The following OR4F15 variants were observed in gnomAD, a reference collection of about 807,000 sequenced individuals.
OR4F15 encodes the protein olfactory receptor 4F15.
OR4F15 carries 7 observed loss-of-function variants against 11.9 expected under a neutral mutation model. The observed-to-expected ratio is 0.59, with a 90% CI of 0.33 to 1.10. The LOEUF (loss-of-function observed/expected upper bound fraction) is 1.10. Ranked by LOEUF, OR4F15 falls within the 50% of genes least tolerant of loss-of-function variation. The probability of loss-of-function intolerance (pLI) is 0.03; values close to 1 mark genes in which losing one functional copy is unlikely to be tolerated. For synonymous variants in OR4F15, 151 were observed against 134.6 expected, an observed-to-expected ratio of 1.12 and a Z score of -0.84; for missense variants, 445 against 377.5, an observed-to-expected ratio of 1.18 and a Z score of -1.48.
chr15:101,816,333 G>T (rs763924426), intron 1 of OR4F15, among the ~76,000 whole-genome samples: 4 of 152,146 alleles, frequency 2.6e-5, no homozygotes, highest in Admixed American at 2.6e-4. Flanking sequence ...TCCTCTAGAA[G>T]CTGGAAAAGG....
At chr15:101,812,587 G>T (rs1011953599) in intron 1 of OR4F15, among the ~76,000 whole-genome samples, 1 of 152,098 alleles carries the variant, frequency 6.6e-6, no homozygotes, top group African/African-American at 2.4e-5. Context: ...TTCCTAACAA[G>T]CTTGTTGTTT....
intron 1 of OR4F15, among the ~76,000 whole-genome samples, chr15:101,812,769 A>G (rs183665181): frequency 6.6e-6 from 1 of 152,298 alleles, no homozygotes; most frequent in East Asian, 1.9e-4. Context: ...ACCCTGAACT[A>G]AAAAAATGTA....
Position 101,819,236 on chromosome 15 carries a change from A to G in OR4F15, c.*111A>G. The G allele has an allele frequency of 4.5e-6, 3 of 665,698 alleles. No individual in the cohort carries two copies. Among genetic ancestry groups the G allele is most frequent in the Non-Finnish European group, 7.6e-6 (3 of 396,804 alleles). The allele number at this position is 665,698 out of a possible 1,614,324, so 41.2% of individuals were successfully genotyped here. A position where few individuals can be genotyped will look rare whatever the true frequency, so the allele number is the denominator to read the frequency against. ...AGACTCAGGCCATACTATATGCCTG[A>G]AAATTTATGAAATCATGGTAACAAT... On this transcript the variant is annotated 3_prime_UTR_variant, in exon 2 of 2. Coordinates refer to ENST00000332238, the MANE Select transcript of OR4F15 (RefSeq NM_001001674.2).
Position 101,818,881 on chromosome 15 carries a change from G to T in OR4F15, c.695G>T (p.Gly232Val), listed in dbSNP as rs1344945370. 1 of 1,613,756 alleles carries T rather than the reference G, an allele frequency of 6.2e-7. No homozygotes were observed. The change falls in exon 2 of 2, where the codon GGT becomes GTT. Residue 232 changes from glycine (G) to valine (V), a missense_variant. Coordinates refer to ENST00000332238, the MANE Select transcript of OR4F15 (RefSeq NM_001001674.2). ...ACTGTTTGGAAACATTCTTCTGGTG[G>T]TCTAGCCAAGGCCCTCTCTACCCTG... ...LFTVWKHSSG[G>V]LAKALSTLSA...
chr15:101,812,868 C>T (rs1359985866), intron 1 of OR4F15, among the ~76,000 whole-genome samples: 1 of 152,156 alleles, frequency 6.6e-6, no homozygotes, highest in East Asian at 1.9e-4. Flanking sequence ...AATAAATCCT[C>T]CTATACTTGT....
At chr15:101,815,770 A>G (rs1390128417) in intron 1 of OR4F15, among the ~76,000 whole-genome samples, 2 of 152,166 alleles carry the variant, frequency 1.3e-5, no homozygotes, top group Non-Finnish European at 2.9e-5. Flanking sequence ...TTAATGAACA[A>G]AAATCATTCG....
In OR4F15 at chr15:101,816,487, C is replaced by CGTGT. The variant is rs35269954; in HGVS notation, c.-37-1643_-37-1640dup. Among the ~76,000 whole-genome samples the CGTGT allele has an allele frequency of 7.3e-3, 1,088 of 148,926 alleles. 8 individuals are homozygous for CGTGT. The highest frequency in any genetic ancestry group is 0.023 in the African/African-American group (949 of 40,652). Reference sequence around the variant, plus strand: ...TTACTTTAGAACAGTAAGAATATAACGTGTGTGTGTGTGTGTGTGTGTGGT... The same window carrying CGTGT: ...TTACTTTAGAACAGTAAGAATATAACGTGTGTGTGTGTGTGTGTGTGTGTGTGGT... On this transcript the variant is annotated intron_variant, in intron 1 of 1. Transcript: ENST00000332238.
intron 1 of OR4F15, among the ~76,000 whole-genome samples, chr15:101,816,544 C>T (rs529269039): frequency 5.3e-5 from 8 of 151,964 alleles, no homozygotes; most frequent in African/African-American, 1.9e-4. Flanking sequence ...CTTGTTACAA[C>T]AGCAATAGTA....
chr15:101,817,141 T>G (rs1903002287), intron 1 of OR4F15, among the ~76,000 whole-genome samples: 6 of 152,222 alleles, frequency 3.9e-5, no homozygotes, highest in Admixed American at 3.9e-4. Flanking sequence ...TTTTGAACCA[T>G]ATTAGAAGCC....
At chr15:101,816,083 G>C (rs530462975) in intron 1 of OR4F15, among the ~76,000 whole-genome samples, 6 of 152,080 alleles carry the variant, frequency 3.9e-5, no homozygotes, top group African/African-American at 7.2e-5. Flanking sequence ...TAAGAAAGCT[G>C]TGCTGTATAG....
At chr15:101,817,787 T>A (rs1903016033) in intron 1 of OR4F15, among the ~76,000 whole-genome samples, 1 of 152,196 alleles carries the variant, frequency 6.6e-6, no homozygotes, top group Non-Finnish European at 1.5e-5. Flanking sequence ...AGGTGGCTCA[T>A]GTGACTGGCT....
At chr15:101,818,070 A>G (rs1903021363) in intron 1 of OR4F15, 80 bp from the exon 2 acceptor site, 4 of 728,026 alleles carry the variant, frequency 5.5e-6, no homozygotes, top group Admixed American at 2.4e-5. Flanking sequence ...TATGATAGTT[A>G]TTTTCATGGC....
chr15:101,812,501 A>G (rs1902923652), intron 1 of OR4F15, among the ~76,000 whole-genome samples: 1 of 152,312 alleles, frequency 6.6e-6, no homozygotes, highest in East Asian at 1.9e-4. Context: ...GGATGCATGT[A>G]AAGTTGTTTG....
intron 1 of OR4F15, among the ~76,000 whole-genome samples, chr15:101,813,401 C>T (rs192232001): frequency 6.6e-5 from 10 of 150,994 alleles, no homozygotes; most frequent in South Asian, 2.1e-4. Context: ...TCCAGCTACT[C>T]GGGAGGCTGA....
chr15:101,818,256 C>A lies in OR4F15; in HGVS notation c.70C>A (p.Gln24Lys), dbSNP rs1398592004. The A allele has an allele frequency of 6.2e-7, 1 of 1,613,974 alleles. No homozygotes were observed. The highest frequency in any genetic ancestry group is 1.1e-5 in the South Asian group (1 of 91,062). Residue 24 changes from glutamine to lysine, a missense_variant, in exon 2 of 2, where the codon CAG becomes AAG. Transcript: ENST00000332238. Reference sequence around the variant, plus strand: ...GGGACTCACCAACTCACGGGAGATTCAGCTTCTACTTTTTGTTTTCTCTTT... The same window carrying A: ...GGGACTCACCAACTCACGGGAGATTAAGCTTCTACTTTTTGTTTTCTCTTT... ...FMGLTNSREI[Q>K]LLLFVFSLLF...
chr15:101,813,490 C>G (rs1902938348), intron 1 of OR4F15, among the ~76,000 whole-genome samples: 1 of 128,148 alleles, frequency 7.8e-6, no homozygotes, highest in South Asian at 2.6e-4. Flanking sequence ...GCCTGGGTGA[C>G]AGAGTGAGAA....
intron 1 of OR4F15, among the ~76,000 whole-genome samples, chr15:101,816,598 G>A (rs186086962): frequency 6.6e-6 from 1 of 152,140 alleles, no homozygotes; most frequent in Admixed American, 6.5e-5. Flanking sequence ...TTGAATGGGA[G>A]TAAAAAGTTC....
Position 101,818,796 on chromosome 15 carries a change from G to A in OR4F15, c.610G>A (p.Gly204Arg), listed in dbSNP as rs1214976944. The change falls in exon 2 of 2, where the codon GGA becomes AGA. Residue 204 changes from glycine to arginine, a missense_variant. By Grantham distance (125) the Gly-to-Arg change is moderately radical. Transcript: ENST00000332238. ...ELEFMVTVNS[G>R]LISVGSFVLL... ...GGAGTTCATGGTCACTGTCAATAGTGGACTCATTTCTGTGGGCTCCTTTGT... is the reference window on the plus strand; with the variant it reads ...GGAGTTCATGGTCACTGTCAATAGTAGACTCATTTCTGTGGGCTCCTTTGT... 6.2e-7 allele frequency: 1 copy of A among 1,614,048 alleles called. No homozygotes were observed. Among genetic ancestry groups the A allele is most frequent in the Non-Finnish European group, 8.5e-7 (1 of 1,179,972 alleles).
intron 1 of OR4F15, among the ~76,000 whole-genome samples, chr15:101,814,833 C>G (rs145739171): frequency 2.6e-5 from 4 of 152,194 alleles, no homozygotes; most frequent in African/African-American, 7.2e-5. Flanking sequence ...CCTAATAACC[C>G]TCTTTTAGTT....
Sources: gnomAD v4.1 joint callset for allele counts (sites outside exome capture counted in the v4.1 genomes callset) on GRCh38, gnomAD v4.1.1 for gene constraint, MANE v1.5 for transcripts, NCBI Gene and HGNC (gene_info 2026-07-23, HGNC 2026-07-21) for gene names.